Variants in DNAJC5B observed in about 807,000 individuals in gnomAD.
The protein encoded by DNAJC5B is DnaJ heat shock protein family (Hsp40) member C5 beta, also known as dnaJ homolog subfamily C member 5B.
A neutral mutation model predicts 24.7 loss-of-function variants in DNAJC5B; 23 were observed. The observed-to-expected ratio is 0.93, with a 90% CI of 0.67 to 1.32. The LOEUF is 1.32. Among genes scored for constraint, DNAJC5B ranks in the 40% most tolerant of loss-of-function variants. The probability of loss-of-function intolerance (pLI) is 0.00; values close to 1 mark genes in which losing one functional copy is unlikely to be tolerated. For synonymous variants in DNAJC5B, 101 were observed against 90.1 expected, an observed-to-expected ratio of 1.12 and a Z score of -0.68; for missense variants, 238 against 240.8, an observed-to-expected ratio of 0.99 and a Z score of 0.08.
intron 5 of DNAJC5B, among the ~76,000 whole-genome samples, chr8:66,097,396 T>G (rs1807977458): frequency 6.6e-6 from 1 of 152,036 alleles, no homozygotes; most frequent in African/African-American, 2.4e-5. Flanking sequence ...AAGAATTTTG[T>G]AACACGTTAA....
At chr8:66,024,433 T>A (rs1428423280) in intron 1 of DNAJC5B, among the ~76,000 whole-genome samples, 3 of 149,540 alleles carry the variant, frequency 2.0e-5, no homozygotes, top group Non-Finnish European at 4.4e-5. Flanking sequence ...ATGTTTTTTT[T>A]TTATTATTAT....
intron 5 of DNAJC5B, among the ~76,000 whole-genome samples, chr8:66,088,177 G>C (rs1197420265): frequency 6.6e-6 from 1 of 152,186 alleles, no homozygotes; most frequent in Non-Finnish European, 1.5e-5. Flanking sequence ...ATACCACGTG[G>C]AAGCCACCAA....
At chr8:66,043,156 TA>T (rs1226375154) in intron 1 of DNAJC5B, among the ~76,000 whole-genome samples, 2 of 152,224 alleles carry the variant, frequency 1.3e-5, no homozygotes, top group African/African-American at 4.8e-5. Flanking sequence ...ATTGGGTTAA[TA>T]AATAGTGAGC....
At chr8:66,038,913 G>A (rs1465278789) in intron 1 of DNAJC5B, among the ~76,000 whole-genome samples, 1 of 152,198 alleles carries the variant, frequency 6.6e-6, no homozygotes, top group African/African-American at 2.4e-5. Context: ...CCAAGACTCA[G>A]TCAATATTTT....
intron 4 of DNAJC5B, among the ~76,000 whole-genome samples, chr8:66,079,683 C>A (rs373673696): frequency 1.3e-5 from 2 of 152,134 alleles, no homozygotes; most frequent in South Asian, 4.1e-4. Flanking sequence ...GAGGCAGGAG[C>A]GCCATCACAT....
intron 2 of DNAJC5B, among the ~76,000 whole-genome samples, chr8:66,046,387 C>T (rs993427690): frequency 2.0e-5 from 3 of 152,222 alleles, no homozygotes; most frequent in Non-Finnish European, 2.9e-5. Flanking sequence ...GGGCCCCTCA[C>T]GTCCTGCAGC....
intron 3 of DNAJC5B, among the ~76,000 whole-genome samples, chr8:66,052,907 T>G (rs1189988877): frequency 1.3e-5 from 2 of 151,280 alleles, no homozygotes; most frequent in Non-Finnish European, 2.9e-5. Flanking sequence ...TCCAAGAGAG[T>G]GCTTGTTTGT....
chr8:66,016,291 G>A, the DNAJC5B span, among the ~76,000 whole-genome samples: 1 of 152,200 alleles, frequency 6.6e-6, no homozygotes, highest in South Asian at 2.1e-4. Context: ...ATCCTCACAT[G>A]TTGTGGGAGG....
At chr8:66,015,753 G>A in the DNAJC5B span, among the ~76,000 whole-genome samples, 1 of 152,180 alleles carries the variant, frequency 6.6e-6, no homozygotes, top group East Asian at 1.9e-4. Flanking sequence ...AGATGTGGAT[G>A]TATTTAGAGT....
intron 1 of DNAJC5B, among the ~76,000 whole-genome samples, chr8:66,039,500 C>G (rs528026668): frequency 2.6e-5 from 4 of 152,146 alleles, no homozygotes; most frequent in East Asian, 1.9e-4. Context: ...AGGTGCCCAC[C>G]ACCATGCCTG....
chr8:66,075,750 A>C (rs1053595274), intron 3 of DNAJC5B, among the ~76,000 whole-genome samples: 4 of 152,356 alleles, frequency 2.6e-5, no homozygotes, highest in Non-Finnish European at 5.9e-5. Flanking sequence ...TGAGCTCCTT[A>C]AATATTCATC....
intron 3 of DNAJC5B, among the ~76,000 whole-genome samples, chr8:66,073,060 A>G (rs1195504421): frequency 3.9e-5 from 6 of 152,178 alleles, no homozygotes; most frequent in African/African-American, 4.8e-5. Flanking sequence ...AAGAAATGTA[A>G]ATGATATAAG....
intron 3 of DNAJC5B, chr8:66,057,396 A>C (rs1385661341): frequency 6.6e-6 from 1 of 152,236 alleles, no homozygotes; most frequent in Non-Finnish European, 1.5e-5. Context: ...AACAACCGAT[A>C]AACAATAAAC....
At chr8:66,069,396 A>T (rs767578821) in intron 3 of DNAJC5B, among the ~76,000 whole-genome samples, 2 of 152,180 alleles carry the variant, frequency 1.3e-5, no homozygotes, top group Non-Finnish European at 2.9e-5. Context: ...TGCTTACCAA[A>T]AGAAAGCTGT....
At chr8:66,061,952 C>A (rs1586091213) in intron 3 of DNAJC5B, among the ~76,000 whole-genome samples, 1 of 151,802 alleles carries the variant, frequency 6.6e-6, no homozygotes, top group Non-Finnish European at 1.5e-5. Context: ...GGAGTGGCAG[C>A]CTGTGGGGGC....
chr8:66,028,835 G>A (rs776520238), intron 1 of DNAJC5B, among the ~76,000 whole-genome samples: 7 of 152,034 alleles, frequency 4.6e-5, no homozygotes, highest in Admixed American at 1.3e-4. Context: ...AATAGAAACC[G>A]GCACTCCCCA....
intron 5 of DNAJC5B, among the ~76,000 whole-genome samples, chr8:66,082,707 T>C (rs574420507): frequency 6.6e-6 from 1 of 152,304 alleles, no homozygotes; most frequent in East Asian, 1.9e-4. Flanking sequence ...GGGATCCAGA[T>C]TTTGTGGGAC....
chr8:66,054,058 T>C (rs1198878126), intron 3 of DNAJC5B, among the ~76,000 whole-genome samples: 1 of 152,098 alleles, frequency 6.6e-6, no homozygotes, highest in Non-Finnish European at 1.5e-5. Context: ...TTGCAAGCTG[T>C]TATTGAACAT....
chr8:66,090,388 G>C (rs1807823431), intron 5 of DNAJC5B, among the ~76,000 whole-genome samples: 1 of 151,960 alleles, frequency 6.6e-6, no homozygotes, highest in Non-Finnish European at 1.5e-5. Context: ...TCTAAATTCA[G>C]TTTGGTTTTT....
Sources: gnomAD v4.1 joint callset for allele counts (sites outside exome capture counted in the v4.1 genomes callset) on GRCh38, gnomAD v4.1.1 for gene constraint, MANE v1.5 for transcripts, NCBI Gene and HGNC (gene_info 2026-07-23, HGNC 2026-07-21) for gene names.